DCAF6: variants seen among roughly 807,000 people sequenced by gnomAD.
DCAF6 encodes the protein DDB1 and CUL4 associated factor 6, also known as DDB1- and CUL4-associated factor 6.
In DCAF6, 54 loss-of-function variants were observed where a neutral mutation model predicts 125.1. The ratio of observed to expected loss-of-function variants is 0.43; its 90% confidence interval spans 0.35 to 0.54. The LOEUF (loss-of-function observed/expected upper bound fraction) is 0.54, where lower values mean the gene tolerates loss of function less well. DCAF6 is among the 20% of genes least tolerant of loss of function. The pLI is 0.01. For missense variants in DCAF6, 934 were observed against 1,161.7 expected (o/e 0.80, Z 2.85); for synonymous variants, 371 against 390.4 (o/e 0.95, Z 0.58).
chr1:167,927,913 T>C, the DCAF6 span, among the ~76,000 whole-genome samples: 73 of 152,330 alleles, frequency 4.8e-4, no homozygotes, highest in East Asian at 0.013. Context: ...ACAACTGCTA[T>C]GTACTAAACA....
intron 3 of DCAF6, among the ~76,000 whole-genome samples, chr1:167,967,010 A>G (rs972305280): frequency 2.0e-5 from 3 of 152,126 alleles, no homozygotes; most frequent in Non-Finnish European, 2.9e-5. Flanking sequence ...TTTTTGGGGG[A>G]AAATGTGCCA....
intron 18 of DCAF6, among the ~76,000 whole-genome samples, chr1:168,064,731 A>G (rs1692112073): frequency 6.6e-6 from 1 of 152,320 alleles, no homozygotes; most frequent in Admixed American, 6.5e-5. Context: ...TCAGATAACA[A>G]TAAAATTGTC....
chr1:167,940,995 C>T (rs761225329), intron 1 of DCAF6, among the ~76,000 whole-genome samples: 1 of 151,870 alleles, frequency 6.6e-6, no homozygotes. Context: ...GATAATTTTG[C>T]GTGTCGATTA....
intron 20 of DCAF6, 131 bp downstream of exon 20, chr1:168,066,596 G>A: frequency 1.8e-6 from 1 of 560,276 alleles, no homozygotes. Context: ...CAAATTTTAA[G>A]AAAAAGAAAA....
intron 1 of DCAF6, among the ~76,000 whole-genome samples, chr1:167,948,805 C>T (rs113070317): frequency 9.2e-5 from 14 of 152,026 alleles, no homozygotes; most frequent in African/African-American, 3.4e-4. Context: ...GTGCCCATCA[C>T]CACACCCGGC....
intron 20 of DCAF6, among the ~76,000 whole-genome samples, chr1:168,067,417 T>A (rs896616295): frequency 1.1e-4 from 17 of 151,448 alleles, no homozygotes; most frequent in Non-Finnish European, 2.1e-4. Flanking sequence ...GAGGAACAGC[T>A]GTTTGTAAAT....
At chr1:168,023,227 ATTATT>A (rs755035062) in intron 12 of DCAF6, 180 bp downstream of exon 12, 19 of 614,032 alleles carry the variant, frequency 3.1e-5, no homozygotes, top group Non-Finnish European at 4.8e-5. Flanking sequence ...GCCTATACAG[ATTATT>A]TTCTATGTAA....
At chr1:167,868,028 G>A in the DCAF6 span, among the ~76,000 whole-genome samples, 5 of 152,078 alleles carry the variant, frequency 3.3e-5, no homozygotes, top group South Asian at 6.2e-4. Flanking sequence ...ATCTCTGGGC[G>A]TCGATAAAAA....
At chr1:167,920,415 T>C in the DCAF6 span, 12 of 938,206 alleles carry the variant, frequency 1.3e-5, no homozygotes, top group Non-Finnish European at 1.9e-5. Context: ...AATAACTTCC[T>C]AGACATAATA....
rs192961345 is a variant in DCAF6, at chr1:168,071,790, C to A, written c.2791+3327C>A. ...AACCCAGACTTCTTACTCTGGCCTT[C>A]AAGGTCCTACATGACATACATTCTG... On this transcript the variant is annotated intron_variant, in intron 21 of 21. Transcript: ENST00000367840. Among the ~76,000 whole-genome samples the A allele has an allele frequency of 1.9e-4, 29 of 152,342 alleles. No homozygotes were observed. The East Asian group carries it at 4.8e-3, about 25-fold the overall frequency.
In DCAF6 at chr1:168,021,137, T is replaced by G. The variant is rs749480130; in HGVS notation, c.1550-1851T>G. ...TCATTAATAGTTTTTTCCCCGTGAC[T>G]TATTCTTTCTTAAATTTTATTAAAA... is the stretch of plus-strand genomic sequence containing the variant. On this transcript the variant is annotated intron_variant, in intron 11 of 21. Coordinates refer to ENST00000367840, the MANE Select transcript of DCAF6 (RefSeq NM_001198956.2). Among the ~76,000 whole-genome samples, 28 of 152,296 alleles carry G rather than the reference T, an allele frequency of 1.8e-4. 1 individual carries two copies. Among genetic ancestry groups the G allele is most frequent in the Non-Finnish European group, 3.1e-4 (21 of 67,976 alleles).
the DCAF6 span, among the ~76,000 whole-genome samples, chr1:167,915,695 C>T: frequency 6.6e-6 from 1 of 152,160 alleles, no homozygotes; most frequent in African/African-American, 2.4e-5. Flanking sequence ...AGGTGATCCA[C>T]CTGCCTCGGC....
the DCAF6 span, chr1:167,903,903 T>C: frequency 6.2e-7 from 1 of 1,611,904 alleles, no homozygotes; most frequent in Admixed American, 1.7e-5. Context: ...CTATTGCACT[T>C]ATGTGGTAGT....
chr1:167,874,840 T>C, the DCAF6 span, among the ~76,000 whole-genome samples: 1 of 152,166 alleles, frequency 6.6e-6, no homozygotes, highest in East Asian at 1.9e-4. Context: ...TAACATACCA[T>C]TGAGTAAGAG....
chr1:167,973,811 C>T (rs1677718077), intron 3 of DCAF6, among the ~76,000 whole-genome samples: 1 of 152,104 alleles, frequency 6.6e-6, no homozygotes, highest in African/African-American at 2.4e-5. Context: ...CAACCAGTCT[C>T]CTGTGTTTTA....
chr1:167,937,393 C>G (rs1671451972), intron 1 of DCAF6: 2 of 228,522 alleles, frequency 8.8e-6, no homozygotes, highest in Admixed American at 5.8e-5. Context: ...AGCCGAAGAA[C>G]CTAAGTTGTT....
intron 7 of DCAF6, among the ~76,000 whole-genome samples, chr1:168,000,492 CT>C (rs1422188797): frequency 6.6e-6 from 1 of 152,082 alleles, no homozygotes; most frequent in African/African-American, 2.4e-5. Flanking sequence ...TGTTTCAATT[CT>C]TTTGGGTAGT....
chr1:168,050,971 A>C, intron 17 of DCAF6, 38 bp downstream of exon 17: 1 of 1,188,520 alleles, frequency 8.4e-7, no homozygotes, highest in Non-Finnish European at 1.1e-6. Flanking sequence ...TTTTTTTATG[A>C]TGGATTTGCC....
chr1:168,039,878 T>C (rs552389691), intron 13 of DCAF6, among the ~76,000 whole-genome samples: 59 of 151,892 alleles, frequency 3.9e-4, no homozygotes, highest in South Asian at 8.3e-4. Context: ...AATATTTGAT[T>C]AAGTAGGATC....
Sources: allele counts gnomAD v4.1 joint callset (sites outside exome capture counted in the v4.1 genomes callset), GRCh38; gene constraint gnomAD v4.1.1; transcripts MANE v1.5; gene names NCBI Gene and HGNC (gene_info 2026-07-23, HGNC 2026-07-21).